USF3: variants seen among roughly 807,000 people sequenced by gnomAD.
USF3 encodes the protein basic helix-loop-helix domain-containing protein USF3.
In USF3, 29 loss-of-function variants were observed where a neutral mutation model predicts 157.5. The observed-to-expected ratio is 0.18, with a 90% CI of 0.14 to 0.25. The LOEUF is 0.25. Ranked by LOEUF, USF3 falls within the 10% of genes least tolerant of loss-of-function variation. The pLI is 1.00. For synonymous variants in USF3, 893 were observed against 941.4 expected, an observed-to-expected ratio of 0.95 and a Z score of 0.94; for missense variants, 2,381 against 2,667.6, an observed-to-expected ratio of 0.89 and a Z score of 2.37.
At chr3:113,681,827 C>T (rs1045590394) in intron 1 of USF3, among the ~76,000 whole-genome samples, 3 of 150,820 alleles carry the variant, frequency 2.0e-5, no homozygotes, top group Non-Finnish European at 4.4e-5. Flanking sequence ...TCAAGCAATT[C>T]TCTCCCTCAG....
At chr3:113,667,622 T>G (rs1195062843) in intron 5 of USF3, among the ~76,000 whole-genome samples, 1 of 152,160 alleles carries the variant, frequency 6.6e-6, no homozygotes, top group Non-Finnish European at 1.5e-5. Context: ...ATCCCAGCAC[T>G]TTGGGAGGCC....
At chr3:113,666,143 C>G (rs1328142134) in intron 5 of USF3, among the ~76,000 whole-genome samples, 1 of 151,354 alleles carries the variant, frequency 6.6e-6, no homozygotes, top group Non-Finnish European at 1.5e-5. Context: ...GAGATTGTGC[C>G]ATTGCACTCC....
chr3:113,667,799 G>A (rs971396291), intron 5 of USF3, among the ~76,000 whole-genome samples: 4 of 152,136 alleles, frequency 2.6e-5, no homozygotes, highest in Non-Finnish European at 5.9e-5. Context: ...CCTGGGAGGC[G>A]GAGGTTGCAG....
Position 113,659,953 on chromosome 3 carries a change from C to G in USF3, c.1729G>C (p.Gly577Arg). 6.2e-7 allele frequency: 1 copy of G among 1,614,134 alleles called. No individual in the cohort carries two copies. The highest frequency in any genetic ancestry group is 8.5e-7 in the Non-Finnish European group (1 of 1,180,014). The change falls in exon 7 of 7, where the codon GGT becomes CGT. Residue 577 changes from glycine (G) to arginine (R), a missense_variant. By Grantham distance (125) the Gly-to-Arg change is moderately radical. Transcript: ENST00000316407. ...GCCTGTATGATTACTATCTGTTGAC[C>G]TACTGTTTGGTTGGAAACTTCTGCC... ...MRAEVSNQTV[G>R]QQIVIIQAAN...
chr3:113,665,323 GT>G (rs1947547151), intron 5 of USF3, among the ~76,000 whole-genome samples: 1 of 152,176 alleles, frequency 6.6e-6, no homozygotes, highest in African/African-American at 2.4e-5. Context: ...TTTTGTAAAG[GT>G]TTTGGATTTT....
intron 5 of USF3, among the ~76,000 whole-genome samples, chr3:113,665,311 G>C (rs1947546841): frequency 6.6e-6 from 1 of 152,196 alleles, no homozygotes; most frequent in South Asian, 2.1e-4. Context: ...AGGCCTTCAA[G>C]ATTTTGTAAA....
intron 4 of USF3, among the ~76,000 whole-genome samples, chr3:113,672,135 CTTT>C (rs1189302527): frequency 7.0e-6 from 1 of 142,378 alleles, no homozygotes; most frequent in African/African-American, 2.6e-5. Context: ...ACATCTCTTT[CTTT>C]TTTTTTTTCT....
At position 113,661,301 on chromosome 3, in the gene USF3, T is replaced by C; in HGVS notation, c.381A>G (p.Gly127=). ...LYDDPTIHWK[G]NLKNSKVSVV... ...CAGAGACCTTTGAGTTTTTAAGATT[T>C]CCTTTCCAGTGAATTGTCGGGTCAT... Residue 127 remains glycine, a synonymous_variant, in exon 7 of 7, where the codon GGA becomes GGG. Transcript: ENST00000316407. 6.2e-7 allele frequency: 1 copy of C among 1,614,196 alleles called. No homozygotes were observed. Among genetic ancestry groups the C allele is most frequent in the Non-Finnish European group, 8.5e-7 (1 of 1,180,010 alleles).
intron 1 of USF3, among the ~76,000 whole-genome samples, chr3:113,681,805 C>G (rs1707436577): frequency 6.6e-6 from 1 of 151,544 alleles, no homozygotes; most frequent in African/African-American, 2.4e-5. Flanking sequence ...CTGCAACCTC[C>G]ACCTCCCAGG....
intron 3 of USF3, among the ~76,000 whole-genome samples, chr3:113,673,771 T>C (rs1392980419): frequency 6.6e-6 from 1 of 152,242 alleles, no homozygotes; most frequent in East Asian, 1.9e-4. Flanking sequence ...AGTACGGGTG[T>C]GCGTGTGCAG....
Position 113,661,168 on chromosome 3 carries a change from C to T in USF3, c.514G>A (p.Val172Ile), listed in dbSNP as rs531682012. 1.7e-5 allele frequency: 28 copies of T among 1,614,180 alleles called. No individual in the cohort carries two copies. The South Asian group carries it at 2.9e-4, about 16-fold the overall frequency. Residue 172 changes from valine (V) to isoleucine (I), a missense_variant, in exon 7 of 7, where the codon GTT becomes ATT. By Grantham distance (29) the Val-to-Ile change is conservative. Coordinates refer to ENST00000316407, the MANE Select transcript of USF3 (RefSeq NM_001009899.4). ...GTAVQGITFN[V>I]SHNLQKQTAN... ...GTCTGCTTTTGTAAATTATGACTAA[C>T]ATTAAAAGTTATCCCCTGAACAGCT...
rs150609973 is a variant in USF3 at position 113,694,804 on chromosome 3, G to A, written c.-135+1566C>T. On this transcript the variant is annotated intron_variant, in intron 1 of 6. Coordinates refer to ENST00000316407, the MANE Select transcript of USF3 (RefSeq NM_001009899.4). ...TCATGCCTGTAATCCCAGCACTTTC[G>A]GAAACAGAGGCAGGCGGATCACCTG... is the stretch of plus-strand genomic sequence containing the variant. Among the ~76,000 whole-genome samples the A allele has an allele frequency of 3.2e-4, 49 of 152,318 alleles. No homozygotes were observed. The East Asian group carries it at 9.0e-3, about 28-fold the overall frequency.
intron 2 of USF3, among the ~76,000 whole-genome samples, 177 bp downstream of exon 2, chr3:113,677,105 C>T (rs1333896907): frequency 3.3e-5 from 5 of 152,124 alleles, no homozygotes; most frequent in Non-Finnish European, 7.4e-5. Context: ...AGCAGCCTGT[C>T]GAGAAATGTG....
In USF3 at chr3:113,660,117, T is replaced by C. The variant is rs751764360; in HGVS notation, c.1565A>G (p.Asn522Ser). ...QPQVKSQPPKNILPLNSAMQV... is the reference protein window; with the variant it reads ...QPQVKSQPPKSILPLNSAMQV... ...CATTGCTGAATTCAGTGGAAGGATA[T>C]TTTTGGGAGGCTGAGATTTAACTTG... Residue 522 changes from asparagine (N) to serine (S), a missense_variant, in exon 7 of 7, where the codon AAT becomes AGT. This residue lies in a region of USF3 where 1,435 missense variants were observed against 1,550.9 expected (regional missense o/e 0.93). Transcript: ENST00000316407. The C allele has an allele frequency of 1.2e-6, 2 of 1,614,188 alleles. No individual in the cohort carries two copies. Among genetic ancestry groups the C allele is most frequent in the Non-Finnish European group, 1.7e-6 (2 of 1,180,032 alleles).
intron 1 of USF3, among the ~76,000 whole-genome samples, chr3:113,686,453 C>T (rs1707547693): frequency 6.6e-6 from 1 of 152,298 alleles, no homozygotes; most frequent in Non-Finnish European, 1.5e-5. Flanking sequence ...TGATCACTCA[C>T]CTGATTTTGT....
At chr3:113,669,765 C>T (rs1003204663) in intron 5 of USF3, among the ~76,000 whole-genome samples, 1 of 151,924 alleles carries the variant, frequency 6.6e-6, no homozygotes, top group Non-Finnish European at 1.5e-5. Context: ...TTAAAAAGAT[C>T]CTTGGAAGAT....
rs374210885 is a variant in USF3 at position 113,656,333 on chromosome 3, G to C, written c.5349C>G (p.Pro1783=). The stretch of plus-strand genomic sequence containing the variant: ...ATCTCTTTTGACGGTCAATTGGTGG[G>C]GGGCCAGTGTTTTGACTAATTCGAA... ...QAFRISQNTG[P]PPIDRQKRLS... The change falls in exon 7 of 7, where the codon CCC becomes CCG. Residue 1783 remains proline, a synonymous_variant. Transcript: ENST00000316407. The C allele has an allele frequency of 1.9e-6, 3 of 1,614,044 alleles. No individual in the cohort carries two copies. The highest frequency in any genetic ancestry group is 1.1e-5 in the South Asian group (1 of 91,084).
chr3:113,687,625 TC>T (rs34786905), intron 1 of USF3, among the ~76,000 whole-genome samples: 7 of 152,180 alleles, frequency 4.6e-5, no homozygotes, highest in African/African-American at 1.7e-4. Context: ...AGTATAGTCT[TC>T]CCCCCTGCTT....
Position 113,661,267 on chromosome 3 carries a change from G to A in USF3, c.415C>T (p.Pro139Ser). Residue 139 changes from proline to serine, a missense_variant, in exon 7 of 7, where the codon CCT becomes TCT. By Grantham distance (74) the Pro-to-Ser change is moderately conservative. This residue lies in a region of USF3 where 1,435 missense variants were observed against 1,550.9 expected (regional missense o/e 0.93). Transcript: ENST00000316407. ...ATTTTTTTTTGAACCTGGTCACTAG[G>A]AATAACAACAGAGACCTTTGAGTTT... ...LKNSKVSVVI[P>S]SDQVQKKIIV... is the part of the protein sequence containing the mutation. 6.2e-7 allele frequency: 1 copy of A among 1,613,840 alleles called. No individual in the cohort carries two copies. Among genetic ancestry groups the A allele is most frequent in the East Asian group, 2.2e-5 (1 of 44,896 alleles).
Sources: allele counts gnomAD v4.1 joint callset (sites outside exome capture counted in the v4.1 genomes callset), GRCh38; gene constraint gnomAD v4.1.1; regional missense constraint gnomAD v4.1.1; transcripts MANE v1.5; gene names NCBI Gene and HGNC (gene_info 2026-07-23, HGNC 2026-07-21).